ANKRD24: variants seen among roughly 807,000 people sequenced by gnomAD.
ANKRD24 encodes the protein ankyrin repeat domain 24.
Under a neutral mutation model 127.8 loss-of-function variants are expected in ANKRD24, and 109 were observed. The observed-to-expected ratio is 0.85, with a 90% confidence interval of 0.73 to 1.00. The LOEUF is 1.00. Ranked by LOEUF, ANKRD24 falls within the 50% of genes least tolerant of loss-of-function variation. ANKRD24 has a pLI of 0.00. For synonymous variants in ANKRD24, 743 were observed against 671.1 expected (o/e 1.11, Z -1.66); for missense variants, 1,648 against 1,570.2 (o/e 1.05, Z -0.84).
At chr19:4,215,049 G>A (rs927524107) in intron 15 of ANKRD24, among the ~76,000 whole-genome samples, 12 of 152,168 alleles carry the variant, frequency 7.9e-5, no homozygotes, top group African/African-American at 2.7e-4. Context: ...CCTGCCCCGA[G>A]TCCCCTCACC....
At chr19:4,189,001 G>A (rs1191674183) in intron 2 of ANKRD24, among the ~76,000 whole-genome samples, 1 of 151,658 alleles carries the variant, frequency 6.6e-6, no homozygotes, top group Non-Finnish European at 1.5e-5. Context: ...GTAGAGACAG[G>A]GTTTCACTAT....
rs566209820 is a variant in ANKRD24 at position 4,200,192 on chromosome 19, G to C, written c.343+21G>C. On this transcript the variant is annotated intron_variant, in intron 5 of 21. Coordinates refer to ENST00000318934, the MANE Select transcript of ANKRD24 (RefSeq NM_001393985.1). ...GGCAGGTACTGCCAGCTGGGCCCCG[G>C]GGAGGGAGGAGGAACTAAGCCCAGG... is the stretch of plus-strand genomic sequence containing the variant. 8 of 1,577,462 alleles carry C rather than the reference G, an allele frequency of 5.1e-6. No individual in the cohort carries two copies. The South Asian group carries it at 5.8e-5, about 11-fold the overall frequency.
In ANKRD24 at chr19:4,195,965, G is replaced by A. The variant is rs762288012; in HGVS notation, c.37-3718G>A. On this transcript the variant is annotated intron_variant, in intron 2 of 21. Transcript: ENST00000318934. This position sits in a 1 kb window ranked among gnomAD's most constrained non-coding sequence, Gnocchi z 4.2. The stretch of plus-strand genomic sequence containing the variant: ...CGTGTAAATGCTCAATGCTCACCCA[G>A]CCCTAAGCCAGTGGTCAATGTGTCA... Among the ~76,000 whole-genome samples the A allele has an allele frequency of 8.5e-5, 13 of 152,208 alleles. 1 individual carries two copies. The highest frequency in any genetic ancestry group is 1.6e-4 in the Non-Finnish European group (11 of 68,040).
chr19:4,224,560 C>G lies in ANKRD24; in HGVS notation c.*55C>G, dbSNP rs946917278. 1.5e-4 allele frequency: 228 copies of G among 1,501,684 alleles called. 1 individual carries two copies. Among genetic ancestry groups the G allele is most frequent in the Non-Finnish European group, 1.9e-4 (205 of 1,099,080 alleles). The allele number at this position is 1,501,684 out of a possible 1,614,324, so 93.0% of individuals were successfully genotyped here. Reference sequence around the variant, plus strand: ...CACACCCACGCAGGGACCTCACCCCCCTGCAGGCCCCTTGCAGACCGGCTT... The same window carrying G: ...CACACCCACGCAGGGACCTCACCCCGCTGCAGGCCCCTTGCAGACCGGCTT... On this transcript the variant is annotated 3_prime_UTR_variant, in exon 22 of 22. Coordinates refer to ENST00000318934, the MANE Select transcript of ANKRD24 (RefSeq NM_001393985.1).
Position 4,198,335 on chromosome 19 carries a change from G to A in ANKRD24, c.37-1348G>A. ...GCGAGGAGGGCAAGGGGGAGGGGGC[G>A]GCACCAGGGAGGGCGGGACCGGGCG... On this transcript the variant is annotated intron_variant, in intron 2 of 21. Coordinates refer to ENST00000318934, the MANE Select transcript of ANKRD24 (RefSeq NM_001393985.1). The surrounding 1 kb of genome is among the most constrained non-coding windows in gnomAD (Gnocchi z 6.1). The A allele has an allele frequency of 1.1e-5, 2 of 181,102 alleles. No homozygotes were observed. Among genetic ancestry groups the A allele is most frequent in the Non-Finnish European group, 2.2e-5 (2 of 89,008 alleles). The allele number at this position is 181,102 out of a possible 1,614,324, so 11.2% of individuals were successfully genotyped here.
At position 4,222,714 on chromosome 19, in the gene ANKRD24, G is replaced by A; in HGVS notation, c.3216G>A (p.Leu1072=). The A allele has an allele frequency of 6.2e-7, 1 of 1,612,538 alleles. No individual in the cohort carries two copies. Residue 1072 remains leucine (L), a synonymous_variant, in exon 20 of 22, where the codon TTG becomes TTA. Transcript: ENST00000318934. ...SKEVFNLKEA[L]KEQPAALATP... ...AAGTCTTCAATCTTAAGGAAGCCTT[G>A]AAGGAGCAGCCGGCCGCCCTCGCCA...
intron 11 of ANKRD24, 54 bp downstream of exon 11, chr19:4,208,855 T>A: frequency 1.3e-6 from 2 of 1,566,910 alleles, no homozygotes; most frequent in East Asian, 2.3e-5. Flanking sequence ...CACACTAACT[T>A]CTCCCCTGCC....
chr19:4,195,104 A>C lies in ANKRD24; in HGVS notation c.37-4579A>C, dbSNP rs1184739486. 7.1e-6 allele frequency among the ~76,000 whole-genome samples: 1 copy of C among 140,816 alleles called. No individual in the cohort carries two copies. Among genetic ancestry groups the C allele is most frequent in the Non-Finnish European group, 1.5e-5 (1 of 65,052 alleles). The allele number at this position is 140,816 out of a possible 152,430, so 92.4% of individuals were successfully genotyped here. On this transcript the variant is annotated intron_variant, in intron 2 of 21. Transcript: ENST00000318934. The surrounding 1 kb of genome is among the most constrained non-coding windows in gnomAD (Gnocchi z 4.2). ...TGTTTGTTTTTAGAGAGGGAGTCTC[A>C]CTCTGTCACCCAGGTTGGAGTGCAG...
At chr19:4,209,428 TTG>T (rs1969579216) in intron 11 of ANKRD24, among the ~76,000 whole-genome samples, 2 of 148,272 alleles carry the variant, frequency 1.3e-5, no homozygotes. Flanking sequence ...TTTTTTTTTT[TTG>T]TTGTTGTTGT....
At position 4,198,618 on chromosome 19, in the gene ANKRD24, C is replaced by CA; in HGVS notation, c.37-1064dup. On this transcript the variant is annotated intron_variant, in intron 2 of 21. Coordinates refer to ENST00000318934, the MANE Select transcript of ANKRD24 (RefSeq NM_001393985.1). The surrounding 1 kb of genome is among the most constrained non-coding windows in gnomAD (Gnocchi z 6.1). The stretch of plus-strand genomic sequence containing the variant: ...TTCCCCGTCCCCGGCTGACCTGGAC[C>CA]ACCCCCCCATTCCAGACCCGGGAAA... The CA allele has an allele frequency of 2.4e-6, 1 of 418,480 alleles. No individual in the cohort carries two copies. Among genetic ancestry groups the CA allele is most frequent in the Non-Finnish European group, 4.2e-6 (1 of 236,098 alleles). 25.9% of individuals were successfully genotyped at this position (418,480 alleles called of 1,614,324 possible).
At chr19:4,204,588 C>G (rs1166744670) in intron 7 of ANKRD24, among the ~76,000 whole-genome samples, 1 of 152,122 alleles carries the variant, frequency 6.6e-6, no homozygotes, top group Non-Finnish European at 1.5e-5. Context: ...AACTCCTTCC[C>G]AGAGGGAGGG....
intron 2 of ANKRD24, among the ~76,000 whole-genome samples, chr19:4,189,243 C>CTTTTTTTTTTTTT (rs398033749): frequency 8.1e-5 from 6 of 73,938 alleles, no homozygotes; most frequent in East Asian, 4.7e-4. Context: ...TTTCTTTCTT[C>CTTTTTTTTTTTTT]TTTTTTTTTT....
In ANKRD24 at chr19:4,195,229, C is replaced by G. The variant is rs544315969; in HGVS notation, c.37-4454C>G. Among the ~76,000 whole-genome samples, 1 of 151,966 alleles carries G rather than the reference C, an allele frequency of 6.6e-6. No homozygotes were observed. The highest frequency in any genetic ancestry group is 1.5e-5 in the Non-Finnish European group (1 of 67,996). ...CTGGGACTACAGGCGCCCACCACCA[C>G]GCCCGGCTAATTTTTTGTATTTTTA... is the stretch of plus-strand genomic sequence containing the variant. On this transcript the variant is annotated intron_variant, in intron 2 of 21. Coordinates refer to ENST00000318934, the MANE Select transcript of ANKRD24 (RefSeq NM_001393985.1). The surrounding 1 kb of genome is among the most constrained non-coding windows in gnomAD (Gnocchi z 4.2).
chr19:4,223,206 T>C (rs1970536722), intron 20 of ANKRD24, among the ~76,000 whole-genome samples: 1 of 151,342 alleles, frequency 6.6e-6, no homozygotes, highest in African/African-American at 2.4e-5. Flanking sequence ...ACGCTGGGAT[T>C]ACAGGCATAA....
chr19:4,206,176 TAAA>T (rs1969374566), intron 7 of ANKRD24, among the ~76,000 whole-genome samples: 1 of 126,940 alleles, frequency 7.9e-6, no homozygotes, highest in Non-Finnish European at 1.7e-5. Context: ...AATAAATAAA[TAAA>T]TAAAATTAAA....
intron 2 of ANKRD24, among the ~76,000 whole-genome samples, chr19:4,189,230 A>G (rs184715028): frequency 7.0e-4 from 70 of 99,656 alleles, no homozygotes; most frequent in African/African-American, 2.5e-3. Flanking sequence ...ATTTTTTTTA[A>G]TTTTTCTTTC....
Position 4,198,189 on chromosome 19 carries a change from G to A in ANKRD24, c.37-1494G>A, listed in dbSNP as rs138430875. On this transcript the variant is annotated intron_variant, in intron 2 of 21. Coordinates refer to ENST00000318934, the MANE Select transcript of ANKRD24 (RefSeq NM_001393985.1). The surrounding 1 kb of genome is among the most constrained non-coding windows in gnomAD (Gnocchi z 6.1). The stretch of plus-strand genomic sequence containing the variant: ...GAGGGAGCCGGGCCCCCGGCGCCGC[G>A]TCCTCCTCATCCTCCAGGCGACAAG... 7,430 of 573,002 alleles carry A rather than the reference G, an allele frequency of 0.013. 486 individuals carry two copies. The African/African-American group carries it at 0.13, about 10-fold the overall frequency. 35.5% of individuals were successfully genotyped at this position (573,002 alleles called of 1,614,324 possible).
chr19:4,208,440 G>A (rs1969516949), intron 10 of ANKRD24, among the ~76,000 whole-genome samples: 2 of 152,034 alleles, frequency 1.3e-5, no homozygotes, highest in Non-Finnish European at 2.9e-5. Flanking sequence ...AGTCCCTCAC[G>A]CCTGGCTAAT....
chr19:4,187,728 A>G (rs1355738664), intron 2 of ANKRD24, among the ~76,000 whole-genome samples: 4 of 152,216 alleles, frequency 2.6e-5, no homozygotes, highest in African/African-American at 9.6e-5. Context: ...TGGGTGGGCA[A>G]GCTTGACTTG....
Sources: allele counts gnomAD v4.1 joint callset (sites outside exome capture counted in the v4.1 genomes callset), GRCh38; gene constraint gnomAD v4.1.1; non-coding constraint Gnocchi (gnomAD v3.1); transcripts MANE v1.5; gene names NCBI Gene and HGNC (gene_info 2026-07-23, HGNC 2026-07-21).